The following H6PD variants were observed in gnomAD, a reference collection of about 807,000 sequenced individuals.
The protein encoded by H6PD is GDH/6PGL endoplasmic bifunctional protein.
In H6PD, 48 loss-of-function variants were observed where a neutral mutation model predicts 61.2. That is an observed-to-expected ratio of 0.78 (90% CI 0.62 to 1.00). The LOEUF is 1.00. Among genes scored for constraint, H6PD ranks in the 50% least tolerant of loss-of-function variants. The probability of loss-of-function intolerance (pLI) is 0.00; values close to 1 mark genes in which losing one functional copy is unlikely to be tolerated. For synonymous variants in H6PD, 480 were observed against 457.9 expected (o/e 1.05, Z -0.62); for missense variants, 1,093 against 1,065.0 (o/e 1.03, Z -0.37).
chr1:9,264,288 T>A lies in H6PD; in HGVS notation c.1795T>A (p.Phe599Ile). 1 of 1,610,866 alleles carries A rather than the reference T, an allele frequency of 6.2e-7. No individual in the cohort carries two copies. Among genetic ancestry groups the A allele is most frequent in the South Asian group, 1.1e-5 (1 of 91,022 alleles). The change falls in exon 5 of 5, where the codon TTC becomes ATC. Residue 599 changes from phenylalanine to isoleucine, a missense_variant. Physicochemically the swap from Phe to Ile is conservative, Grantham distance 21 (BLOSUM62 0). Coordinates refer to ENST00000377403, the MANE Select transcript of H6PD (RefSeq NM_004285.4). ...LSGGSSPVAL[F>I]QQLATAHYGF... ...GGGGGGCTCGAGCCCCGTGGCCCTG[T>A]TCCAGCAGCTGGCCACGGCGCACTA...
rs919298791 is a variant in H6PD at position 9,268,840 on chromosome 1, C to T, written c.*3971C>T. ...TGTGTTTCTCCTGTCCCTGTTCTCCCGGAGGGCCCAGGTGGAACTCACGAC... is the reference window on the plus strand; with the variant it reads ...TGTGTTTCTCCTGTCCCTGTTCTCCTGGAGGGCCCAGGTGGAACTCACGAC... On this transcript the variant is annotated 3_prime_UTR_variant, in exon 5 of 5. Transcript: ENST00000377403. The T allele has an allele frequency of 8.5e-5, 13 of 152,288 alleles. No individual in the cohort carries two copies. Among genetic ancestry groups the T allele is most frequent in the South Asian group, 4.1e-4 (2 of 4,824 alleles). 9.4% of individuals were successfully genotyped at this position (152,288 alleles called of 1,614,324 possible). A position where few individuals can be genotyped will look rare whatever the true frequency, so the allele number is the denominator to read the frequency against.
chr1:9,251,185 G>A (rs1187661194), intron 3 of H6PD, among the ~76,000 whole-genome samples: 5 of 152,278 alleles, frequency 3.3e-5, no homozygotes, highest in East Asian at 1.9e-4. Context: ...TCATGGCATC[G>A]GGAGGGCTCT....
chr1:9,242,929 G>C (rs973708146), intron 1 of H6PD: 8 of 985,338 alleles, frequency 8.1e-6, no homozygotes, highest in African/African-American at 1.7e-5. Context: ...CCAAGGACAG[G>C]GACTGGAAAG....
chr1:9,247,201 C>A, intron 3 of H6PD, 118 bp downstream of exon 3: 1 of 776,038 alleles, frequency 1.3e-6, no homozygotes, highest in Non-Finnish European at 2.3e-6. Context: ...TCCCTTCGAG[C>A]CTGCCGTGTG....
chr1:9,239,890 C>CT (rs1368394603), intron 1 of H6PD: 3 of 713,138 alleles, frequency 4.2e-6, no homozygotes, highest in Non-Finnish European at 5.8e-6. Flanking sequence ...GCTGGGTCTG[C>CT]TGTGCCGGGT....
At position 9,263,794 on chromosome 1, in the gene H6PD, C is replaced by G. The variant is rs7412488; in HGVS notation, c.1301C>G (p.Pro434Arg). Residue 434 changes from proline to arginine, a missense_variant, in exon 5 of 5, where the codon CCT (proline) becomes CGT (arginine). Physicochemically the swap from Pro to Arg is moderately radical, Grantham distance 103. Coordinates refer to ENST00000377403, the MANE Select transcript of H6PD (RefSeq NM_004285.4). ...AGCTGGAAGGAAATGGAGGGACCACCTGGGCTCCGCCTTTTCGGCAGCCCT... is the reference window on the plus strand; with the variant it reads ...AGCTGGAAGGAAATGGAGGGACCACGTGGGCTCCGCCTTTTCGGCAGCCCT... ...PSSWKEMEGP[P>R]GLRLFGSPLS... The G allele has an allele frequency of 9.9e-6, 16 of 1,613,858 alleles. No homozygotes were observed. The highest frequency in any genetic ancestry group is 2.7e-5 in the African/African-American group (2 of 74,950).
chr1:9,252,560 C>G (rs143024219), intron 3 of H6PD, among the ~76,000 whole-genome samples: 207 of 152,114 alleles, frequency 1.4e-3, no homozygotes, highest in African/African-American at 4.6e-3. Context: ...ACTTTGTGAG[C>G]TTTTTTTAAA....
At chr1:9,239,996 A>T (rs1290110197) in intron 1 of H6PD, 22 of 1,231,416 alleles carry the variant, frequency 1.8e-5, no homozygotes, top group Non-Finnish European at 2.2e-5. Context: ...ACCTTCTGGG[A>T]TGTTAGCAGA....
At chr1:9,237,030 T>C (rs993912759) in intron 1 of H6PD, among the ~76,000 whole-genome samples, 2 of 152,098 alleles carry the variant, frequency 1.3e-5, no homozygotes, top group East Asian at 3.9e-4. Flanking sequence ...ACAGCTTGAC[T>C]TCATGGAGCA....
Position 9,245,949 on chromosome 1 carries a change from C to CT in H6PD, c.627+402dup, listed in dbSNP as rs764711857. 2.4e-3 allele frequency among the ~76,000 whole-genome samples: 342 copies of CT among 142,672 alleles called. No individual in the cohort carries two copies. Among genetic ancestry groups the CT allele is most frequent in the Non-Finnish European group, 3.3e-3 (213 of 64,630 alleles). The allele number at this position is 142,672 out of a possible 152,430, so 93.6% of individuals were successfully genotyped here. The stretch of plus-strand genomic sequence containing the variant: ...GCTCTCTTCTCCTGCACCCATCCAC[C>CT]TTTTTTTTTTTTTTAGACAGAGTCT... On this transcript the variant is annotated intron_variant, in intron 2 of 4. Transcript: ENST00000377403. This position sits in a 1 kb window ranked among gnomAD's most constrained non-coding sequence, Gnocchi z 4.8.
intron 1 of H6PD, among the ~76,000 whole-genome samples, chr1:9,237,169 C>G (rs1404401068): frequency 6.6e-6 from 1 of 151,012 alleles, no homozygotes; most frequent in Non-Finnish European, 1.5e-5. Flanking sequence ...AGCTCTGGGA[C>G]CAGACTGCCT....
chr1:9,241,498 G>A (rs1289439646), intron 1 of H6PD, among the ~76,000 whole-genome samples: 1 of 152,128 alleles, frequency 6.6e-6, no homozygotes, highest in African/African-American at 2.4e-5. Context: ...GGACCTCTCG[G>A]GCTCAAGCAG....
chr1:9,245,064 C>T lies in H6PD; in HGVS notation c.130C>T (p.Gln44Ter), dbSNP rs746398496. ...GGACCTGGCTAAGAAGTACTTATGG[C>T]AGGGACTGTTCCAGCTGTACCTGGA... ...TGDLAKKYLW[Q>*]GLFQLYLDEA... Residue 44 changes from glutamine (Q) to a stop codon, truncating the protein, a stop_gained, in exon 2 of 5, where the codon CAG becomes TAG. Transcript: ENST00000377403. LOFTEE classifies it high-confidence loss of function. The surrounding 1 kb of genome is among the most constrained non-coding windows in gnomAD (Gnocchi z 4.8). 1 of 1,614,208 alleles carries T rather than the reference C, an allele frequency of 6.2e-7. No homozygotes were observed. The highest frequency in any genetic ancestry group is 1.1e-5 in the South Asian group (1 of 91,090).
At chr1:9,260,418 G>T (rs1641687100) in intron 3 of H6PD, among the ~76,000 whole-genome samples, 1 of 151,768 alleles carries the variant, frequency 6.6e-6, no homozygotes, top group Non-Finnish European at 1.5e-5. Context: ...GTGTTATGTT[G>T]TTATGCTGGT....
intron 1 of H6PD, among the ~76,000 whole-genome samples, chr1:9,242,023 C>T (rs1385940295): frequency 2.6e-5 from 4 of 152,134 alleles, no homozygotes; most frequent in East Asian, 1.9e-4. Flanking sequence ...AGGGGATGGG[C>T]GCATGAAACC....
chr1:9,262,266 A>G lies in H6PD; in HGVS notation c.953A>G (p.Glu318Gly). ...GTGGGCCAGTACCAGTCTTACAGTG[A>G]GCAGGTGCGCAGAGAGCTGCAGAAG... ...AVVGQYQSYS[E>G]QVRRELQKPD... Residue 318 changes from glutamate (E) to glycine (G), a missense_variant, in exon 4 of 5, where the codon GAG (glutamate) becomes GGG (glycine). Coordinates refer to ENST00000377403, the MANE Select transcript of H6PD (RefSeq NM_004285.4). 6.2e-7 allele frequency: 1 copy of G among 1,611,708 alleles called. No individual in the cohort carries two copies. Among genetic ancestry groups the G allele is most frequent in the Non-Finnish European group, 8.5e-7 (1 of 1,179,002 alleles).
chr1:9,257,655 G>T (rs1212503178), intron 3 of H6PD, among the ~76,000 whole-genome samples: 1 of 152,216 alleles, frequency 6.6e-6, no homozygotes, highest in Non-Finnish European at 1.5e-5. Flanking sequence ...AAGAGAAACA[G>T]GCCTGAATTA....
intron 1 of H6PD, chr1:9,242,895 G>A (rs1474064414): frequency 9.1e-6 from 9 of 985,320 alleles, no homozygotes; most frequent in Non-Finnish European, 2.4e-6. Flanking sequence ...GCGATTGCCG[G>A]TTGAGGAAAA....
At chr1:9,240,137 C>G (rs1380820042) in intron 1 of H6PD, 1 of 492,574 alleles carries the variant, frequency 2.0e-6, no homozygotes, top group African/African-American at 2.0e-5. Context: ...GATGAGCCAT[C>G]AGAAGAAGGC....
Sources: allele counts gnomAD v4.1 joint callset (sites outside exome capture counted in the v4.1 genomes callset), GRCh38; gene constraint gnomAD v4.1.1; non-coding constraint Gnocchi (gnomAD v3.1); transcripts MANE v1.5; gene names NCBI Gene and HGNC (gene_info 2026-07-23, HGNC 2026-07-21).